The following ZNF385D variants were observed in gnomAD, a reference collection of about 807,000 sequenced individuals.
The protein encoded by ZNF385D is zinc finger protein 659.
In ZNF385D, 15 loss-of-function variants were observed where a neutral mutation model predicts 35.8. The ratio of observed to expected loss-of-function variants is 0.42; its 90% CI spans 0.28 to 0.64. The LOEUF is 0.64. ZNF385D is among the 30% of genes least tolerant of loss of function. The pLI, the probability that ZNF385D is intolerant of heterozygous loss-of-function variation, is 0.23. For synonymous variants in ZNF385D, 212 were observed against 186.8 expected, an observed-to-expected ratio of 1.13 and a Z score of -1.10; for missense variants, 474 against 494.6, an observed-to-expected ratio of 0.96 and a Z score of 0.39.
chr3:21,597,750 T>C (rs1266200288), intron 2 of ZNF385D, among the ~76,000 whole-genome samples: 2 of 152,128 alleles, frequency 1.3e-5, no homozygotes, highest in African/African-American at 2.4e-5. Flanking sequence ...GTGATAAACA[T>C]AAAAAGGTAG....
chr3:22,205,322 C>G (rs984519576), intron 2 of ZNF385D, among the ~76,000 whole-genome samples: 1 of 151,574 alleles, frequency 6.6e-6, no homozygotes, highest in Non-Finnish European at 1.5e-5. Flanking sequence ...TAAGCAAAAG[C>G]TGAGGGATTT....
intron 3 of ZNF385D, among the ~76,000 whole-genome samples, chr3:21,809,336 A>T (rs940243674): frequency 2.0e-5 from 3 of 151,906 alleles, no homozygotes; most frequent in African/African-American, 7.2e-5. Context: ...ATAAAAGACT[A>T]TTCTTGCACT....
chr3:22,347,535 C>T (rs1367059273), intron 2 of ZNF385D, among the ~76,000 whole-genome samples: 1 of 152,146 alleles, frequency 6.6e-6, no homozygotes, highest in Admixed American at 6.5e-5. Flanking sequence ...AACAATCAGA[C>T]ATGTCAATAG....
intron 2 of ZNF385D, among the ~76,000 whole-genome samples, chr3:22,265,843 G>C (rs748266746): frequency 1.3e-5 from 2 of 151,912 alleles, no homozygotes; most frequent in Non-Finnish European, 2.9e-5. Flanking sequence ...ATTTTTGCAC[G>C]TGGGAAAATA....
At chr3:21,654,834 A>G (rs2066025524) in intron 2 of ZNF385D, among the ~76,000 whole-genome samples, 1 of 152,060 alleles carries the variant, frequency 6.6e-6, no homozygotes, top group African/African-American at 2.4e-5. Context: ...GGGTCTGTGT[A>G]CCACACTTTG....
intron 3 of ZNF385D, among the ~76,000 whole-genome samples, chr3:22,076,423 A>G (rs1424867646): frequency 1.3e-5 from 2 of 151,730 alleles, no homozygotes; most frequent in African/African-American, 4.8e-5. Context: ...ATATTCCCCC[A>G]CATCCTATTT....
intron 2 of ZNF385D, among the ~76,000 whole-genome samples, chr3:22,235,556 G>A (rs1331550224): frequency 1.3e-5 from 2 of 152,054 alleles, no homozygotes; most frequent in Non-Finnish European, 2.9e-5. Flanking sequence ...GCTAAACAGT[G>A]TTTTCTAAAT....
chr3:21,621,697 A>C (rs986847095), intron 2 of ZNF385D, among the ~76,000 whole-genome samples: 1 of 152,008 alleles, frequency 6.6e-6, no homozygotes, highest in Admixed American at 6.6e-5. Context: ...TGAGCTGTAA[A>C]ACAGGAAAGT....
At chr3:22,267,546 A>G (rs1384048697) in intron 2 of ZNF385D, among the ~76,000 whole-genome samples, 2 of 151,920 alleles carry the variant, frequency 1.3e-5, no homozygotes, top group African/African-American at 2.4e-5. Context: ...AGTCAAATCA[A>G]TATTTCTCAG....
intron 2 of ZNF385D, among the ~76,000 whole-genome samples, chr3:22,262,989 T>C (rs1167999200): frequency 2.6e-5 from 4 of 152,102 alleles, no homozygotes; most frequent in Non-Finnish European, 1.5e-5. Flanking sequence ...GCAGACACAG[T>C]CAGACCTATC....
intron 2 of ZNF385D, among the ~76,000 whole-genome samples, chr3:21,575,848 C>T (rs139593611): frequency 6.6e-6 from 1 of 152,264 alleles, no homozygotes; most frequent in African/African-American, 2.4e-5. Flanking sequence ...GGCTCAGTAC[C>T]TGTCTGTTGA....
At chr3:21,873,220 A>C (rs1312940779) in intron 3 of ZNF385D, among the ~76,000 whole-genome samples, 1 of 152,138 alleles carries the variant, frequency 6.6e-6, no homozygotes, top group African/African-American at 2.4e-5. Flanking sequence ...AAGTGTGTTC[A>C]TGCAGCATAC....
At chr3:22,095,091 T>TTC (rs1553606662) in intron 3 of ZNF385D, among the ~76,000 whole-genome samples, 1 of 60,710 alleles carries the variant, frequency 1.6e-5, no homozygotes, top group African/African-American at 8.3e-5. Flanking sequence ...ATTCTTTCTT[T>TTC]TTTTTTTTTT....
In ZNF385D at chr3:21,417,320, T is replaced by G. The variant is rs1359161081; in HGVS notation, c.*3894A>C. 1 of 152,110 alleles carries G rather than the reference T, an allele frequency of 6.6e-6. No homozygotes were observed. The highest frequency in any genetic ancestry group is 2.4e-5 in the African/African-American group (1 of 41,444). The allele number at this position is 152,110 out of a possible 1,614,324, so 9.4% of individuals were successfully genotyped here. On this transcript the variant is annotated 3_prime_UTR_variant, in exon 8 of 8. Coordinates refer to ENST00000281523, the MANE Select transcript of ZNF385D (RefSeq NM_024697.3). ...AAGGGCAAGGCATTAGTTGACTATT[T>G]AAGTTACCCTGTTGGTCAGGGACAA...
chr3:21,895,946 A>T lies in ZNF385D; in HGVS notation c.326-230918T>A, dbSNP rs73820175. Among the ~76,000 whole-genome samples the T allele has an allele frequency of 6.8e-3, 1,038 of 152,300 alleles. 11 individuals are homozygous for T. Among genetic ancestry groups the T allele is most frequent in the African/African-American group, 0.024 (984 of 41,566 alleles). The stretch of plus-strand genomic sequence containing the variant: ...TTGTGTCTAATTTGTAGAACTTTTT[A>T]AAATGTCAAATGATGTCACCAAAAT... On this transcript the variant is annotated intron_variant, in intron 3 of 5. Transcript: ENST00000494108.
At chr3:22,046,126 T>A (rs759057105) in intron 3 of ZNF385D, among the ~76,000 whole-genome samples, 1 of 152,120 alleles carries the variant, frequency 6.6e-6, no homozygotes, top group Non-Finnish European at 1.5e-5. Context: ...GACAGTGCTG[T>A]GGGCAGCAGG....
rs566544941 is a variant in ZNF385D, at chr3:21,545,274, C to T, written c.276+19300G>A. ...GCTCTCAAATACAGACTTGTGATAA[C>T]TTTAGAGATTGTAACATTGGAATAA... On this transcript the variant is annotated intron_variant, in intron 3 of 7. Coordinates refer to ENST00000281523, the MANE Select transcript of ZNF385D (RefSeq NM_024697.3). Among the ~76,000 whole-genome samples the T allele has an allele frequency of 4.4e-4, 67 of 152,208 alleles. 2 individuals are homozygous for T. The South Asian group carries it at 0.014, about 31-fold the overall frequency.
chr3:21,429,213 A>G (rs1377555392), intron 5 of ZNF385D, among the ~76,000 whole-genome samples: 1 of 151,988 alleles, frequency 6.6e-6, no homozygotes, highest in Non-Finnish European at 1.5e-5. Flanking sequence ...AAAAATTTTA[A>G]GGAAAAAACC....
intron 3 of ZNF385D, among the ~76,000 whole-genome samples, chr3:22,121,456 G>A (rs976400686): frequency 6.6e-6 from 1 of 152,036 alleles, no homozygotes; most frequent in Admixed American, 6.6e-5. Flanking sequence ...TGATGTAAAT[G>A]GAAAAAGGTA....
Sources: allele counts gnomAD v4.1 joint callset (sites outside exome capture counted in the v4.1 genomes callset), GRCh38; gene constraint gnomAD v4.1.1; transcripts MANE v1.5; gene names NCBI Gene and HGNC (gene_info 2026-07-23, HGNC 2026-07-21).